Variants in TXNL4A observed in about 807,000 individuals in gnomAD.
TXNL4A encodes thioredoxin like 4A, also known as thioredoxin-like protein 4A.
A neutral mutation model predicts 14.6 loss-of-function variants in TXNL4A; 17 were observed. That is an observed-to-expected ratio of 1.16 (90% confidence interval 0.80 to 1.74). The LOEUF is 1.74. TXNL4A is among the 40% of genes most tolerant of loss of function. The pLI is 0.00. For synonymous variants in TXNL4A, 83 were observed against 70.6 expected, an observed-to-expected ratio of 1.18 and a Z score of -0.88; for missense variants, 74 against 195.2, an observed-to-expected ratio of 0.38 and a Z score of 3.70.
At chr18:79,996,867 C>T (rs1376285290) in intron 1 of TXNL4A, among the ~76,000 whole-genome samples, 3 of 152,134 alleles carry the variant, frequency 2.0e-5, no homozygotes, top group African/African-American at 7.2e-5. Context: ...CACTTGAACC[C>T]AGGAGGCGGA....
intron 2 of TXNL4A, 119 bp from the exon 3 acceptor site, chr18:79,973,975 C>G: frequency 1.4e-6 from 2 of 1,410,368 alleles, no homozygotes; most frequent in Non-Finnish European, 1.9e-6. Context: ...CTGAAGAACG[C>G]ATAAAATCGA....
rs949771103 is a variant in TXNL4A, at chr18:79,971,273, T to C, written c.*2412A>G. The C allele has an allele frequency of 1.1e-4, 17 of 152,398 alleles. No individual in the cohort carries two copies. Among genetic ancestry groups the C allele is most frequent in the African/African-American group, 3.8e-4 (16 of 41,586 alleles). The allele number at this position is 152,398 out of a possible 1,614,324, so 9.4% of individuals were successfully genotyped here. On this transcript the variant is annotated 3_prime_UTR_variant, in exon 3 of 3. Transcript: ENST00000269601. The stretch of plus-strand genomic sequence containing the variant: ...GTGTACGAGTTTCTATGTGGACATA[T>C]GCGTTCAATTCTCCTGGGTATGAAA...
chr18:79,995,555 G>C (rs866609890), intron 1 of TXNL4A: 2 of 152,266 alleles, frequency 1.3e-5, no homozygotes, highest in South Asian at 4.1e-4. Flanking sequence ...AATATTAAAT[G>C]CAAATTTATT....
At chr18:79,999,728 A>G (rs1166105638) in intron 1 of TXNL4A, among the ~76,000 whole-genome samples, 1 of 152,056 alleles carries the variant, frequency 6.6e-6, no homozygotes, top group Non-Finnish European at 1.5e-5. Context: ...TTAAAAACAT[A>G]TGATATAGTT....
intron 1 of TXNL4A, among the ~76,000 whole-genome samples, chr18:80,024,002 C>A (rs955249980): frequency 5.3e-5 from 8 of 152,164 alleles, no homozygotes; most frequent in Non-Finnish European, 1.2e-4. Context: ...CCGGTAACCA[C>A]GAAGGGATCC....
At chr18:79,988,789 C>T (rs1287559193), upstream of TXNL4A, among the ~76,000 whole-genome samples, 1 of 152,004 alleles carries the variant, frequency 6.6e-6, no homozygotes, top group Non-Finnish European at 1.5e-5. Context: ...AAGCCCCGGG[C>T]TCGCCGTGCC....
intron 1 of TXNL4A, among the ~76,000 whole-genome samples, chr18:80,000,021 C>T (rs927600302): frequency 1.3e-5 from 2 of 152,186 alleles, no homozygotes; most frequent in African/African-American, 4.8e-5. Flanking sequence ...GTCCATTAAA[C>T]CTCTTTTTCT....
At chr18:80,026,701 C>A (rs1259399381) in intron 1 of TXNL4A, among the ~76,000 whole-genome samples, 1 of 151,310 alleles carries the variant, frequency 6.6e-6, no homozygotes, top group African/African-American at 2.4e-5. Flanking sequence ...TCAGCTCCCC[C>A]ACCACAGACT....
intron 1 of TXNL4A, among the ~76,000 whole-genome samples, chr18:80,031,833 A>G (rs563126894): frequency 6.6e-6 from 1 of 152,196 alleles, no homozygotes; most frequent in Admixed American, 6.5e-5. Context: ...CAGATAATCA[A>G]CCTGTCAGAC....
chr18:79,984,085 A>G (rs1183253592), intron 1 of TXNL4A, among the ~76,000 whole-genome samples: 2 of 152,032 alleles, frequency 1.3e-5, no homozygotes, highest in Non-Finnish European at 2.9e-5. Context: ...GCTAGCTACA[A>G]GGCTGTTTTT....
intron 1 of TXNL4A, among the ~76,000 whole-genome samples, chr18:79,983,069 C>T (rs573639730): frequency 2.6e-5 from 4 of 152,174 alleles, no homozygotes; most frequent in South Asian, 4.2e-4. Flanking sequence ...GGCGTGATCT[C>T]GGCTCACTGC....
upstream of TXNL4A, among the ~76,000 whole-genome samples, chr18:79,989,292 T>C (rs1398716234): frequency 6.6e-6 from 1 of 152,092 alleles, no homozygotes; most frequent in African/African-American, 2.4e-5. Context: ...TTGTACTTAG[T>C]AGAGACGGGG....
chr18:79,991,835 A>G (rs541948594), upstream of TXNL4A, among the ~76,000 whole-genome samples: 2 of 152,330 alleles, frequency 1.3e-5, no homozygotes, highest in East Asian at 3.9e-4. Context: ...TATTTTTCCA[A>G]GGTTGAGGAT....
rs1249625003 is a variant in TXNL4A, at chr18:80,015,208, T to C, written c.-61+18643A>G. On this transcript the variant is annotated intron_variant, in intron 1 of 2. Transcript: ENST00000585474. The stretch of plus-strand genomic sequence containing the variant: ...GTCTTGGGGACTAACATTTGGCTCC[T>C]TGTTACTTATGCAGATTTCTGCAGC... Among the ~76,000 whole-genome samples the C allele has an allele frequency of 2.0e-5, 3 of 152,154 alleles. No homozygotes were observed. In the East Asian group the frequency reaches 5.8e-4, roughly 29 times the overall value.
chr18:80,004,930 T>C (rs1265499104), intron 1 of TXNL4A, among the ~76,000 whole-genome samples: 1 of 152,046 alleles, frequency 6.6e-6, no homozygotes, highest in Non-Finnish European at 1.5e-5. Context: ...TTCCCAGAAA[T>C]GAAAATCAGG....
chr18:80,027,693 G>A (rs149821717), intron 1 of TXNL4A, among the ~76,000 whole-genome samples: 29 of 152,268 alleles, frequency 1.9e-4, no homozygotes, highest in Non-Finnish European at 2.8e-4. Context: ...CCTTTGTTCA[G>A]GCACACTATC....
intron 1 of TXNL4A, among the ~76,000 whole-genome samples, chr18:80,001,071 G>C (rs918555604): frequency 6.6e-6 from 1 of 152,228 alleles, no homozygotes. Context: ...GCCTGGCCCA[G>C]GGCCCCCCTG....
intron 1 of TXNL4A, among the ~76,000 whole-genome samples, chr18:80,012,195 G>A (rs1054382035): frequency 1.3e-5 from 2 of 152,146 alleles, no homozygotes; most frequent in Non-Finnish European, 2.9e-5. Context: ...AGGGGACACC[G>A]CCAAACCAAG....
chr18:80,017,136 A>G (rs1265435288), intron 1 of TXNL4A, among the ~76,000 whole-genome samples: 4 of 149,628 alleles, frequency 2.7e-5, no homozygotes, highest in African/African-American at 7.3e-5. Context: ...TGTGAATGGG[A>G]GTTCACTCAT....
Sources: gnomAD v4.1 joint callset for allele counts (sites outside exome capture counted in the v4.1 genomes callset) on GRCh38, gnomAD v4.1.1 for gene constraint, MANE v1.5 for transcripts, NCBI Gene and HGNC (gene_info 2026-07-23, HGNC 2026-07-21) for gene names.